ABHD1: variants seen among roughly 807,000 people sequenced by gnomAD.
The protein encoded by ABHD1 is protein ABHD1.
Under a neutral mutation model 41.4 loss-of-function variants are expected in ABHD1, and 47 were observed. The observed-to-expected ratio is 1.13, with a 90% CI of 0.90 to 1.45. ABHD1 has a LOEUF of 1.45. ABHD1 is among the 40% of genes most tolerant of loss of function. The pLI, the probability that ABHD1 is intolerant of heterozygous loss-of-function variation, is 0.00. For missense variants in ABHD1, 550 were observed against 503.4 expected (o/e 1.09, Z -0.89); for synonymous variants, 205 against 203.7 (o/e 1.01, Z -0.05).
At chr2:27,124,780 CT>C (rs1671888787) in intron 1 of ABHD1, 3 of 159,940 alleles carry the variant, frequency 1.9e-5, no homozygotes, top group African/African-American at 7.2e-5. Context: ...CTATAGGAGA[CT>C]TTAGTGTTAC....
chr2:27,129,551 TAG>T lies in ABHD1; in HGVS notation c.546_547del (p.Glu182AspfsTer54). 7 of 1,614,162 alleles carry T rather than the reference TAG, an allele frequency of 4.3e-6. No homozygotes were observed. Among genetic ancestry groups the T allele is most frequent in the Non-Finnish European group, 5.1e-6 (6 of 1,180,052 alleles). ...TTTTGTGCCAGCAATACTGAAGATC[TAG>T]AGACAGTCGTGAACCACATAAAGCA... is the stretch of plus-strand genomic sequence containing the variant. On this transcript the variant is annotated frameshift_variant, in exon 5 of 9. Coordinates refer to ENST00000316470, the MANE Select transcript of ABHD1 (RefSeq NM_032604.4). LOFTEE classifies it high-confidence loss of function.
intron 1 of ABHD1, 121 bp downstream of exon 1, chr2:27,124,183 A>C (rs1671859156): frequency 1.1e-6 from 1 of 886,848 alleles, no homozygotes; most frequent in South Asian, 1.4e-5. Flanking sequence ...GAAATTTGCT[A>C]CCACCGAATG....
chr2:27,128,896 ACAT>A, intron 2 of ABHD1, 46 bp from the exon 3 acceptor site: 12 of 1,577,832 alleles, frequency 7.6e-6, no homozygotes, highest in Non-Finnish European at 9.5e-6. Context: ...CTTTTGAATT[ACAT>A]TAAGTTCTTA....
At chr2:27,126,394 C>T (rs930669290) in intron 1 of ABHD1, 4 of 152,254 alleles carry the variant, frequency 2.6e-5, no homozygotes, top group African/African-American at 4.8e-5. Flanking sequence ...GGACTAGGGT[C>T]CAAAGTCACA....
intron 1 of ABHD1, chr2:27,125,107 A>T (rs1255737129): frequency 6.6e-6 from 1 of 152,026 alleles, no homozygotes; most frequent in Non-Finnish European, 1.5e-5. Context: ...ATTGCACTCC[A>T]GCCTGAGCAA....
chr2:27,128,613 C>CA lies in ABHD1; in HGVS notation c.275+13dup. On this transcript the variant is annotated intron_variant, in intron 2 of 8. Coordinates refer to ENST00000316470, the MANE Select transcript of ABHD1 (RefSeq NM_032604.4). ...GTCCTTTATCAGAGGTAAGAAGGGA[C>CA]AGAACAGGGTGAACATGAAACCCCA... 1 of 1,613,518 alleles carries CA rather than the reference C, an allele frequency of 6.2e-7. No individual in the cohort carries two copies. Among genetic ancestry groups the CA allele is most frequent in the East Asian group, 2.2e-5 (1 of 44,852 alleles).
intron 8 of ABHD1, 51 bp from the exon 9 acceptor site, chr2:27,130,482 G>C (rs1305791224): frequency 6.2e-7 from 1 of 1,611,692 alleles, no homozygotes; most frequent in East Asian, 2.2e-5. Context: ...GCAACAGACA[G>C]CCTGGGCTCC....
intron 1 of ABHD1, 71 bp downstream of exon 1, chr2:27,124,133 C>A: frequency 7.1e-7 from 1 of 1,415,302 alleles, no homozygotes. Context: ...CGGGCTTGGG[C>A]CCTTGGTGGG....
chr2:27,127,283 A>G lies in ABHD1; in HGVS notation c.115-1158A>G, dbSNP rs1263420424. 3.1e-5 allele frequency among the ~76,000 whole-genome samples: 4 copies of G among 128,314 alleles called. No homozygotes were observed. In the East Asian group the frequency reaches 7.0e-4, roughly 22 times the overall value. The allele number at this position is 128,314 out of a possible 152,430, so 84.2% of individuals were successfully genotyped here. ...TTTTTAAGACGGTGTTGCTGGGCAC[A>G]GTGGCTCACGCCTGTAATCCCAGCA... On this transcript the variant is annotated intron_variant, in intron 1 of 8. Coordinates refer to ENST00000316470, the MANE Select transcript of ABHD1 (RefSeq NM_032604.4).
chr2:27,129,569 A>G lies in ABHD1; in HGVS notation c.560A>G (p.His187Arg), dbSNP rs1464604779. Reference sequence around the variant, plus strand: ...GAAGATCTAGAGACAGTCGTGAACCACATAAAGCATCGTTATCCCCAAGCT... The same window carrying G: ...GAAGATCTAGAGACAGTCGTGAACCGCATAAAGCATCGTTATCCCCAAGCT... ...NTEDLETVVN[H>R]IKHRYPQAPL... Residue 187 changes from histidine (H) to arginine (R), a missense_variant, in exon 5 of 9, where the codon CAC (histidine) becomes CGC (arginine). His to Arg is a conservative substitution (Grantham distance 29). Coordinates refer to ENST00000316470, the MANE Select transcript of ABHD1 (RefSeq NM_032604.4). The G allele has an allele frequency of 6.2e-7, 1 of 1,614,014 alleles. No individual in the cohort carries two copies.
At chr2:27,129,686 C>T in intron 5 of ABHD1, 60 bp downstream of exon 5, 1 of 1,609,424 alleles carries the variant, frequency 6.2e-7, no homozygotes, top group Non-Finnish European at 8.5e-7. Flanking sequence ...TCCTCCATGT[C>T]CCCTTCCTCT....
chr2:27,128,384 C>A, intron 1 of ABHD1, 57 bp from the exon 2 acceptor site: 1 of 1,609,464 alleles, frequency 6.2e-7, no homozygotes. Context: ...GTGTTGGGTG[C>A]CTCACTAGCT....
intron 1 of ABHD1, chr2:27,126,556 C>A (rs892801341): frequency 1.2e-4 from 18 of 152,268 alleles, no homozygotes; most frequent in Non-Finnish European, 1.5e-5. Context: ...GCATACTCCT[C>A]CTTCACATGC....
Position 27,129,074 on chromosome 2 carries a change from C to G in ABHD1, c.405C>G (p.Ser135Arg), listed in dbSNP as rs1391911522. The G allele has an allele frequency of 5.0e-6, 8 of 1,613,976 alleles. No individual in the cohort carries two copies. Among genetic ancestry groups the G allele is most frequent in the Non-Finnish European group, 5.9e-6 (7 of 1,180,016 alleles). Residue 135 changes from serine to arginine, a missense_variant, in exon 3 of 9, where the codon AGC becomes AGG. Transcript: ENST00000316470. ...VLLLPGITGS[S>R]QETYVLHLVN... ...TGCTTCCTGGCATCACTGGCAGTAG[C>G]CAGGAGACATACGTCTTGCACCTAG...
In ABHD1 at chr2:27,123,937, C is replaced by T. The variant is rs766940652; in HGVS notation, c.-12C>T. ...AGCCAGGAGCCTGAGGGTCGGAAGC[C>T]CCCAACACAAGATGCTGAGCTCCTT... is the stretch of plus-strand genomic sequence containing the variant. On this transcript the variant is annotated 5_prime_UTR_variant, in exon 1 of 9. Coordinates refer to ENST00000316470, the MANE Select transcript of ABHD1 (RefSeq NM_032604.4). The T allele has an allele frequency of 5.0e-6, 8 of 1,612,130 alleles. No homozygotes were observed. The highest frequency in any genetic ancestry group is 6.8e-6 in the Non-Finnish European group (8 of 1,178,190).
At chr2:27,127,845 C>CCACT (rs1672036742) in intron 1 of ABHD1, among the ~76,000 whole-genome samples, 3 of 152,048 alleles carry the variant, frequency 2.0e-5, no homozygotes, top group Admixed American at 6.6e-5. Context: ...CAGGCATGAG[C>CCACT]GACTGCGCCC....
Position 27,130,802 on chromosome 2 carries a change from T to C in ABHD1, c.*58T>C, listed in dbSNP as rs1355413973. 1.3e-6 allele frequency: 2 copies of C among 1,566,614 alleles called. No homozygotes were observed. The highest frequency in any genetic ancestry group is 1.8e-6 in the Non-Finnish European group (2 of 1,140,540). The stretch of plus-strand genomic sequence containing the variant: ...TTCCTTGTTTATTAAATATCAACTT[T>C]TCCTGCCTAATGGGCTGAGGTTCAT... On this transcript the variant is annotated 3_prime_UTR_variant, in exon 9 of 9. Transcript: ENST00000316470.
chr2:27,128,749 T>C, intron 2 of ABHD1, 148 bp downstream of exon 2: 1 of 1,279,412 alleles, frequency 7.8e-7, no homozygotes, highest in Non-Finnish European at 1.1e-6. Flanking sequence ...AAGGGCTATA[T>C]AATTGCACGG....
In ABHD1 at chr2:27,124,027, C is replaced by A; in HGVS notation, c.79C>A (p.Leu27Ile). The A allele has an allele frequency of 6.2e-7, 1 of 1,614,202 alleles. No homozygotes were observed. ...FSLLLALAVA[L>I]YLGYYWACVL... ...TCTGCTCTTGGCTCTTGCCGTTGCC[C>A]TCTACTTGGGCTACTACTGGGCATG... The change falls in exon 1 of 9, where the codon CTC becomes ATC. Residue 27 changes from leucine (L) to isoleucine (I), a missense_variant. Leu to Ile is a conservative substitution (Grantham distance 5, BLOSUM62 2). Coordinates refer to ENST00000316470, the MANE Select transcript of ABHD1 (RefSeq NM_032604.4).
Sources: allele counts gnomAD v4.1 joint callset (sites outside exome capture counted in the v4.1 genomes callset), GRCh38; gene constraint gnomAD v4.1.1; transcripts MANE v1.5; gene names NCBI Gene and HGNC (gene_info 2026-07-23, HGNC 2026-07-21).